Variants in EYS observed in about 807,000 individuals in gnomAD.
EYS encodes protein eyes shut homolog.
Under a neutral mutation model 282.1 loss-of-function variants are expected in EYS, and 250 were observed. The ratio of observed to expected loss-of-function variants is 0.89; its 90% CI spans 0.80 to 0.98. The LOEUF is 0.98. Ranked by LOEUF, EYS falls within the 50% of genes least tolerant of loss-of-function variation. EYS has a pLI of 0.00. For missense variants in EYS, 4,016 were observed against 3,709.0 expected (o/e 1.08, Z -2.15); for synonymous variants, 1,355 against 1,282.9 (o/e 1.06, Z -1.20).
rs537146273 is a variant in EYS at position 65,636,260 on chromosome 6, C to A, written c.-333+3518G>T. Among the ~76,000 whole-genome samples, 15 of 152,296 alleles carry A rather than the reference C, an allele frequency of 9.8e-5. No homozygotes were observed. In the East Asian group the frequency reaches 2.7e-3, roughly 27 times the overall value. ...AGCGAAAATCTTTGACAACAACCTA[C>A]AAAATGTTTTGCAGTCAGTCCCACT... On this transcript the variant is annotated intron_variant, in intron 2 of 42. Coordinates refer to ENST00000503581, the MANE Select transcript of EYS (RefSeq NM_001142800.2).
intron 22 of EYS, among the ~76,000 whole-genome samples, chr6:64,808,093 C>G (rs1035861728): frequency 6.7e-6 from 1 of 149,794 alleles, no homozygotes; most frequent in Non-Finnish European, 1.5e-5. Flanking sequence ...CCTCCCTTCC[C>G]TTCTTCCCTT....
intron 14 of EYS, among the ~76,000 whole-genome samples, chr6:64,956,427 T>C (rs1281750914): frequency 6.6e-6 from 1 of 152,202 alleles, no homozygotes; most frequent in Non-Finnish European, 1.5e-5. Flanking sequence ...TCTCATCATG[T>C]ACAAAAGTCA....
chr6:64,431,246 T>A (rs2150459767), intron 28 of EYS, among the ~76,000 whole-genome samples: 1 of 152,248 alleles, frequency 6.6e-6, no homozygotes, highest in East Asian at 1.9e-4. Flanking sequence ...CTTCATGGTG[T>A]CTATCTTCTG....
Position 65,531,749 on chromosome 6 carries a change from C to A in EYS, c.-332-35756G>T, listed in dbSNP as rs547814004. On this transcript the variant is annotated intron_variant, in intron 2 of 42. Coordinates refer to ENST00000503581, the MANE Select transcript of EYS (RefSeq NM_001142800.2). ...GCTGGGAGCAGTAATCAACAGGTGC[C>A]CACAGATGCTGATTGAAAGATAGAA... 2.6e-5 allele frequency among the ~76,000 whole-genome samples: 4 copies of A among 152,188 alleles called. No individual in the cohort carries two copies. In the South Asian group the frequency reaches 8.3e-4, roughly 32 times the overall value.
chr6:64,703,522 T>C (rs1439439920), intron 22 of EYS, among the ~76,000 whole-genome samples: 1 of 142,444 alleles, frequency 7.0e-6, no homozygotes, highest in African/African-American at 2.6e-5. Context: ...AATCTCCACC[T>C]CCCGGGTTCA....
intron 5 of EYS, among the ~76,000 whole-genome samples, chr6:65,445,559 T>G (rs1768622028): frequency 6.6e-6 from 1 of 151,800 alleles, no homozygotes; most frequent in Non-Finnish European, 1.5e-5. Context: ...TTAGGTTTAT[T>G]CAAACTTACT....
chr6:65,224,607 CAA>C (rs143379868), intron 12 of EYS, among the ~76,000 whole-genome samples: 22,408 of 151,662 alleles, frequency 0.15, 2,193 homozygotes, highest in South Asian at 0.28. Flanking sequence ...AGAGAATCAA[CAA>C]AACTAAAAGT....
intron 14 of EYS, among the ~76,000 whole-genome samples, chr6:64,952,602 C>T (rs1242019512): frequency 6.6e-6 from 1 of 151,994 alleles, no homozygotes; most frequent in Non-Finnish European, 1.5e-5. Context: ...TTCCACCAAT[C>T]CCTGACCATA....
chr6:64,849,766 G>A (rs1765824536), intron 19 of EYS, among the ~76,000 whole-genome samples: 1 of 151,768 alleles, frequency 6.6e-6, no homozygotes, highest in South Asian at 2.1e-4. Flanking sequence ...TTTGTTGCTA[G>A]AGGCAACCTG....
At chr6:65,476,895 T>C (rs1017861645) in intron 5 of EYS, among the ~76,000 whole-genome samples, 1 of 152,106 alleles carries the variant, frequency 6.6e-6, no homozygotes, top group African/African-American at 2.4e-5. Context: ...TTTAAACCTA[T>C]AAAATAAGAA....
chr6:65,003,407 T>C (rs1457879401), intron 13 of EYS, among the ~76,000 whole-genome samples: 2 of 147,590 alleles, frequency 1.4e-5, no homozygotes, highest in Non-Finnish European at 3.0e-5. Context: ...CCTGATAAGA[T>C]GTTATCAACG....
At chr6:65,410,154 G>A (rs1360445131) in intron 5 of EYS, among the ~76,000 whole-genome samples, 2 of 151,944 alleles carry the variant, frequency 1.3e-5, no homozygotes, top group Non-Finnish European at 2.9e-5. Context: ...TACCTTATAA[G>A]TATGTAATTC....
chr6:63,948,916 A>G (rs1198903372), intron 35 of EYS, among the ~76,000 whole-genome samples: 1 of 152,044 alleles, frequency 6.6e-6, no homozygotes, highest in Non-Finnish European at 1.5e-5. Context: ...TCTCATCTAT[A>G]TATTATCTTC....
chr6:64,395,853 A>T (rs11963250), intron 28 of EYS, among the ~76,000 whole-genome samples: 2 of 152,150 alleles, frequency 1.3e-5, no homozygotes, highest in African/African-American at 4.8e-5. Flanking sequence ...CCTACATAGC[A>T]TCCAACAATC....
At chr6:64,264,390 G>C (rs984950295) in intron 30 of EYS, among the ~76,000 whole-genome samples, 1 of 152,062 alleles carries the variant, frequency 6.6e-6, no homozygotes, top group Non-Finnish European at 1.5e-5. Context: ...CTTGGTCTCA[G>C]TTAGGACTAC....
At chr6:63,826,845 C>CAAAAAA (rs59957107) in intron 36 of EYS, among the ~76,000 whole-genome samples, 1 of 76,760 alleles carries the variant, frequency 1.3e-5, no homozygotes. Context: ...AGTTAAAAAG[C>CAAAAAA]AAAAAAAAAA....
At chr6:64,023,788 G>T (rs1418974464) in intron 33 of EYS, among the ~76,000 whole-genome samples, 2 of 152,222 alleles carry the variant, frequency 1.3e-5, no homozygotes, top group Non-Finnish European at 2.9e-5. Context: ...GACAGGCGCG[G>T]GTGGGAACTG....
intron 26 of EYS, among the ~76,000 whole-genome samples, chr6:64,470,960 G>A (rs901099882): frequency 1.3e-5 from 2 of 152,050 alleles, no homozygotes; most frequent in Non-Finnish European, 2.9e-5. Context: ...AAGAGACATA[G>A]ACATCCATAC....
chr6:65,348,982 T>C (rs1770501690), intron 9 of EYS, among the ~76,000 whole-genome samples: 1 of 151,640 alleles, frequency 6.6e-6, no homozygotes, highest in Admixed American at 6.6e-5. Flanking sequence ...TATACTTTCT[T>C]TTTATGTATT....
Sources: allele counts gnomAD v4.1 joint callset (sites outside exome capture counted in the v4.1 genomes callset), GRCh38; gene constraint gnomAD v4.1.1; transcripts MANE v1.5; gene names NCBI Gene and HGNC (gene_info 2026-07-23, HGNC 2026-07-21).